Variants in STPG2 observed in about 807,000 individuals in gnomAD.
STPG2 encodes the protein sperm-tail PG-rich repeat-containing protein 2.
In STPG2, 56 loss-of-function variants were observed where a neutral mutation model predicts 54.2. The ratio of observed to expected loss-of-function variants is 1.03; its 90% CI spans 0.83 to 1.29. STPG2 has a LOEUF of 1.29. Ranked by LOEUF, STPG2 falls within the 50% of genes most tolerant of loss-of-function variation. The pLI is 0.00. For missense variants in STPG2, 596 were observed against 544.9 expected (o/e 1.09, Z -0.93); for synonymous variants, 200 against 181.8 (o/e 1.10, Z -0.81).
At chr4:97,721,487 A>G (rs1333266310) in intron 9 of STPG2, among the ~76,000 whole-genome samples, 1 of 152,134 alleles carries the variant, frequency 6.6e-6, no homozygotes, top group Non-Finnish European at 1.5e-5. Flanking sequence ...ACAAACATTG[A>G]GTTAATTGTT....
intron 4 of STPG2, among the ~76,000 whole-genome samples, chr4:97,515,936 C>T (rs750444182): frequency 5.3e-5 from 8 of 151,882 alleles, no homozygotes; most frequent in Non-Finnish European, 1.2e-4. Flanking sequence ...TATTTTCAGC[C>T]CAATTAAAGA....
chr4:98,100,182 A>G (rs1165588252), intron 5 of STPG2, among the ~76,000 whole-genome samples: 1 of 152,174 alleles, frequency 6.6e-6, no homozygotes, highest in Non-Finnish European at 1.5e-5. Flanking sequence ...CTACATTCAA[A>G]ATTTTAAATA....
chr4:98,126,580 C>T (rs544794760), intron 3 of STPG2, among the ~76,000 whole-genome samples: 303 of 152,292 alleles, frequency 2.0e-3, no homozygotes, highest in African/African-American at 7.1e-3. Context: ...TTGCACCAAC[C>T]GCCTAGTCAG....
At chr4:97,875,340 C>T (rs1204942076) in intron 8 of STPG2, among the ~76,000 whole-genome samples, 1 of 151,346 alleles carries the variant, frequency 6.6e-6, no homozygotes, top group Non-Finnish European at 1.5e-5. Context: ...CAACTACATA[C>T]ATCATTTTAT....
At chr4:97,920,646 G>C (rs893402403) in intron 8 of STPG2, among the ~76,000 whole-genome samples, 4 of 152,160 alleles carry the variant, frequency 2.6e-5, no homozygotes, top group Non-Finnish European at 5.9e-5. Flanking sequence ...AAAATGAAGG[G>C]TGTAGATTAT....
intron 7 of STPG2, among the ~76,000 whole-genome samples, chr4:97,957,244 C>T (rs783950): frequency 0.45 from 65,625 of 145,586 alleles, 14,672 homozygotes; most frequent in Admixed American, 0.55. Context: ...ACAATCAAAA[C>T]TTCAGTAAAC....
intron 4 of STPG2, among the ~76,000 whole-genome samples, chr4:97,508,460 C>A (rs1369636280): frequency 6.6e-6 from 1 of 152,004 alleles, no homozygotes; most frequent in Non-Finnish European, 1.5e-5. Context: ...TAACTAGACT[C>A]TTTTCCTCAA....
chr4:97,814,270 T>C (rs1400992455), intron 9 of STPG2, among the ~76,000 whole-genome samples: 5 of 152,190 alleles, frequency 3.3e-5, no homozygotes, highest in African/African-American at 9.6e-5. Flanking sequence ...TAACTGGTTA[T>C]TCTGGTAGCC....
intron 8 of STPG2, chr4:97,892,918 T>C (rs776385809): frequency 3.9e-5 from 6 of 152,130 alleles, no homozygotes; most frequent in Non-Finnish European, 7.4e-5. Context: ...CTCAAATTCT[T>C]TTGTACAGCA....
intron 9 of STPG2, among the ~76,000 whole-genome samples, chr4:97,816,020 T>C (rs1322599239): frequency 6.6e-6 from 1 of 152,092 alleles, no homozygotes; most frequent in Non-Finnish European, 1.5e-5. Context: ...CCTAATGCTA[T>C]CCCTCCCCTA....
At chr4:97,500,362 G>A (rs976935850) in intron 4 of STPG2, among the ~76,000 whole-genome samples, 18 of 152,082 alleles carry the variant, frequency 1.2e-4, no homozygotes, top group Non-Finnish European at 2.2e-4. Flanking sequence ...GACTATTAAA[G>A]AAGCAGAAAC....
At chr4:97,846,700 G>C (rs1290056031) in intron 8 of STPG2, among the ~76,000 whole-genome samples, 1 of 151,024 alleles carries the variant, frequency 6.6e-6, no homozygotes, top group African/African-American at 2.4e-5. Flanking sequence ...TGAAATCTCA[G>C]TCTTTGCTTA....
At chr4:97,895,513 TATCTC>T (rs1730923622) in intron 8 of STPG2, among the ~76,000 whole-genome samples, 2 of 151,882 alleles carry the variant, frequency 1.3e-5, no homozygotes, top group East Asian at 1.9e-4. Flanking sequence ...GACATGTACT[TATCTC>T]ATAGCAATGG....
rs978064529 is a variant in STPG2 at position 97,583,686 on chromosome 4, T to C, written c.1321-24569A>G. On this transcript the variant is annotated intron_variant, in intron 10 of 10. Coordinates refer to ENST00000295268, the MANE Select transcript of STPG2 (RefSeq NM_174952.3). The stretch of plus-strand genomic sequence containing the variant: ...CTTAAGGTAAAGAGATGTAAAAAGA[T>C]ATTCCATGCAATGGAAACCAAAGGT... Among the ~76,000 whole-genome samples, 14 of 151,852 alleles carry C rather than the reference T, an allele frequency of 9.2e-5. 1 individual carries two copies. Among genetic ancestry groups the C allele is most frequent in the Non-Finnish European group, 2.9e-5 (2 of 67,878 alleles).
At chr4:97,613,985 G>A (rs1158147894) in intron 10 of STPG2, among the ~76,000 whole-genome samples, 1 of 151,806 alleles carries the variant, frequency 6.6e-6, no homozygotes, top group African/African-American at 2.4e-5. Flanking sequence ...ACTAATAATG[G>A]CTTATTGTTC....
intron 10 of STPG2, among the ~76,000 whole-genome samples, chr4:97,609,281 G>A (rs763114367): frequency 4.6e-5 from 7 of 152,008 alleles, no homozygotes; most frequent in African/African-American, 7.2e-5. Flanking sequence ...TACCTACTCC[G>A]GTAGTGGAAG....
chr4:97,666,256 T>C (rs573551288), intron 10 of STPG2, among the ~76,000 whole-genome samples: 2 of 152,162 alleles, frequency 1.3e-5, no homozygotes, highest in Non-Finnish European at 2.9e-5. Flanking sequence ...CAGCCCCTGC[T>C]ACTCCTCCCA....
At chr4:97,716,186 A>T (rs1192453875) in intron 9 of STPG2, among the ~76,000 whole-genome samples, 3 of 152,176 alleles carry the variant, frequency 2.0e-5, no homozygotes, top group Non-Finnish European at 2.9e-5. Flanking sequence ...TCATTAAAAA[A>T]ATCAGGAAAC....
At chr4:97,627,420 G>A (rs1006249690) in intron 10 of STPG2, among the ~76,000 whole-genome samples, 2 of 152,078 alleles carry the variant, frequency 1.3e-5, no homozygotes, top group African/African-American at 4.8e-5. Context: ...AAATGAAATT[G>A]CAAAGTAATT....
Sources: gnomAD v4.1 joint callset for allele counts (sites outside exome capture counted in the v4.1 genomes callset) on GRCh38, gnomAD v4.1.1 for gene constraint, MANE v1.5 for transcripts, NCBI Gene and HGNC (gene_info 2026-07-23, HGNC 2026-07-21) for gene names.